PLK4: variants seen among roughly 807,000 people sequenced by gnomAD.
PLK4 encodes the protein polo like kinase 4.
In PLK4, 51 loss-of-function variants were observed where a neutral mutation model predicts 103.0. The observed-to-expected ratio is 0.50, with a 90% confidence interval of 0.40 to 0.63. The LOEUF is 0.63. Ranked by LOEUF, PLK4 falls within the 20% of genes least tolerant of loss-of-function variation. The pLI is 0.00. For missense variants in PLK4, 1,054 were observed against 1,151.0 expected, an observed-to-expected ratio of 0.92 and a Z score of 1.22; for synonymous variants, 389 against 376.8, an observed-to-expected ratio of 1.03 and a Z score of -0.38.
chr4:127,897,824 CTTTTT>C (rs200741150), intron 15 of PLK4, among the ~76,000 whole-genome samples: 179 of 28,568 alleles, frequency 6.3e-3, no homozygotes, highest in Non-Finnish European at 8.7e-3. Flanking sequence ...AGAATTAGGG[CTTTTT>C]TTTTTTTTTT....
Position 127,881,035 on chromosome 4 carries a change from G to A in PLK4, c.-100G>A, listed in dbSNP as rs755416501. The A allele has an allele frequency of 1.3e-4, 182 of 1,387,618 alleles. No individual in the cohort carries two copies. Among genetic ancestry groups the A allele is most frequent in the Middle Eastern group, 1.8e-4 (1 of 5,614 alleles). 86.0% of individuals were successfully genotyped at this position (1,387,618 alleles called of 1,614,324 possible). A position where few individuals can be genotyped will look rare whatever the true frequency, so the allele number is the denominator to read the frequency against. ...CTGGAGCGGCGGTTTAGAGAGCCGA[G>A]CCTGATGGGCGCCAAGGCCGGCTGG... is the stretch of plus-strand genomic sequence containing the variant. On this transcript the variant is annotated 5_prime_UTR_variant, in exon 1 of 16. Coordinates refer to ENST00000270861, the MANE Select transcript of PLK4 (RefSeq NM_014264.5).
intron 1 of PLK4, among the ~76,000 whole-genome samples, chr4:127,881,601 C>G (rs1299562435): frequency 6.6e-6 from 1 of 152,118 alleles, no homozygotes; most frequent in Non-Finnish European, 1.5e-5. Context: ...GGAACCAGAT[C>G]ACTAGGGTGC....
In PLK4 at chr4:127,886,645, C is replaced by T. The variant is rs1735146184; in HGVS notation, c.1275C>T (p.Asn425=). 6.2e-7 allele frequency: 1 copy of T among 1,613,346 alleles called. No individual in the cohort carries two copies. Among genetic ancestry groups the T allele is most frequent in the Non-Finnish European group, 8.5e-7 (1 of 1,179,396 alleles). The change falls in exon 5 of 16, where the codon AAC becomes AAT. Residue 425 remains asparagine, a synonymous_variant. Coordinates refer to ENST00000270861, the MANE Select transcript of PLK4 (RefSeq NM_014264.5). The part of the protein sequence containing the change: ...ENEERYSPTD[N]NANIFNFFKE... ...AAGAGAGGTACTCACCCACAGACAA[C>T]AATGCCAACATTTTTAACTTCTTTA...
chr4:127,881,240 G>A (rs369972797), intron 1 of PLK4, 76 bp downstream of exon 1: 14 of 1,607,502 alleles, frequency 8.7e-6, no homozygotes, highest in Middle Eastern at 1.6e-4. Flanking sequence ...GTGGGAAGGG[G>A]AGCGAACGAA....
chr4:127,897,820 AG>A (rs1735624100), intron 15 of PLK4, among the ~76,000 whole-genome samples: 1 of 48,734 alleles, frequency 2.1e-5, no homozygotes, highest in Non-Finnish European at 4.2e-5. Flanking sequence ...CTGTAGAATT[AG>A]GGCTTTTTTT....
intron 4 of PLK4, 128 bp downstream of exon 4, chr4:127,883,681 A>G (rs908572174): frequency 6.0e-5 from 29 of 485,894 alleles, no homozygotes; most frequent in African/African-American, 5.3e-4. Context: ...ACTTTAAGCT[A>G]GAAAAGGAGA....
intron 2 of PLK4, 27 bp downstream of exon 2, chr4:127,881,953 C>G (rs181451128): frequency 1.0e-5 from 13 of 1,249,632 alleles, no homozygotes; most frequent in South Asian, 2.4e-5. Flanking sequence ...CAACTTCTCT[C>G]CTGTACTTTG....
At chr4:127,891,344 A>G (rs1429570301) in intron 8 of PLK4, 148 bp downstream of exon 8, 3 of 464,194 alleles carry the variant, frequency 6.5e-6, no homozygotes, top group East Asian at 3.3e-5. Context: ...TTGAAATAGC[A>G]TATTAAACAT....
In PLK4 at chr4:127,898,474, A is replaced by G. The variant is rs1447291089; in HGVS notation, c.2846A>G (p.Lys949Arg). 1.9e-6 allele frequency: 3 copies of G among 1,585,552 alleles called. No individual in the cohort carries two copies. In the South Asian group the frequency reaches 3.4e-5, roughly 18 times the overall value. The part of the protein sequence containing the change: ...GENEKLPDYI[K>R]QKLQCLSSIL... Reference sequence around the variant, plus strand: ...AATGAAAAATTACCAGACTACATCAAACAGAAATTACAGTGTCTGTCTTCC... The same window carrying G: ...AATGAAAAATTACCAGACTACATCAGACAGAAATTACAGTGTCTGTCTTCC... Residue 949 changes from lysine to arginine, a missense_variant, in exon 16 of 16, where the codon AAA becomes AGA. Coordinates refer to ENST00000270861, the MANE Select transcript of PLK4 (RefSeq NM_014264.5).
Position 127,886,496 on chromosome 4 carries a change from G to A in PLK4, c.1126G>A (p.Ala376Thr). The A allele has an allele frequency of 5.6e-6, 9 of 1,613,914 alleles. No individual in the cohort carries two copies. Among genetic ancestry groups the A allele is most frequent in the Non-Finnish European group, 6.8e-6 (8 of 1,179,794 alleles). ...GCCACATTCTCGATACCTTCGTAGA[G>A]CTTATTCCTCTGATAGATCTGGCAC... is the stretch of plus-strand genomic sequence containing the variant. ...ERPHSRYLRRAYSSDRSGTSN... is the reference protein window; with the variant it reads ...ERPHSRYLRRTYSSDRSGTSN... Residue 376 changes from alanine to threonine, a missense_variant, in exon 5 of 16, where the codon GCT becomes ACT. Physicochemically the swap from Ala to Thr is moderately conservative, Grantham distance 58 (BLOSUM62 0). This residue lies in a region of PLK4 where 680 missense variants were observed against 660.3 expected (regional missense o/e 1.03). Transcript: ENST00000270861.
chr4:127,891,323 G>C (rs1339987068), intron 8 of PLK4, 127 bp downstream of exon 8: 3 of 481,956 alleles, frequency 6.2e-6, no homozygotes, highest in Non-Finnish European at 1.1e-5. Context: ...AGTGTCTCTG[G>C]AATTCAAAAA....
At chr4:127,881,580 A>G (rs544933146) in intron 1 of PLK4, among the ~76,000 whole-genome samples, 48 of 152,218 alleles carry the variant, frequency 3.2e-4, no homozygotes, top group Non-Finnish European at 5.9e-4. Context: ...CTTAGGCTGC[A>G]CTGAGGTTGA....
In PLK4 at chr4:127,898,760, T is replaced by C; in HGVS notation, c.*219T>C. ...TATAAAATAGAACACCTGACTTTGC[T>C]CTTAGACCATAACCCCCGAACTTAC... On this transcript the variant is annotated 3_prime_UTR_variant, in exon 16 of 16. Transcript: ENST00000270861. 5.0e-6 allele frequency: 2 copies of C among 399,586 alleles called. No individual in the cohort carries two copies. The highest frequency in any genetic ancestry group is 5.7e-5 in the South Asian group (1 of 17,674). 24.8% of individuals were successfully genotyped at this position (399,586 alleles called of 1,614,324 possible). A position where few individuals can be genotyped will look rare whatever the true frequency, so the allele number is the denominator to read the frequency against.
At chr4:127,893,020 C>T (rs1018492242) in intron 10 of PLK4, among the ~76,000 whole-genome samples, 3 of 151,952 alleles carry the variant, frequency 2.0e-5, no homozygotes, top group African/African-American at 7.2e-5. Flanking sequence ...ATAATTATAG[C>T]TATCCTTCAA....
intron 13 of PLK4, 69 bp from the exon 14 acceptor site, chr4:127,894,884 C>T (rs1735503428): frequency 1.9e-6 from 2 of 1,029,468 alleles, no homozygotes; most frequent in South Asian, 2.5e-5. Context: ...TCATAATTGT[C>T]TGCTTTTGCT....
At position 127,893,754 on chromosome 4, in the gene PLK4, C is replaced by T. The variant is rs1238042234; in HGVS notation, c.2435C>T (p.Ser812Leu). ...IIGRKPGSTS[S>L]PKALSPPPSV... ...TTCAGAAAACCTGGTAGTACTAGTT[C>T]ACCTAAGGCCTTATCACCTCCTCCT... Residue 812 changes from serine (S) to leucine (L), a missense_variant, in exon 13 of 16, where the codon TCA (serine) becomes TTA (leucine). By Grantham distance (145) the Ser-to-Leu change is moderately radical. This residue lies in a region of PLK4 where 167 missense variants were observed against 200.7 expected (regional missense o/e 0.83). Coordinates refer to ENST00000270861, the MANE Select transcript of PLK4 (RefSeq NM_014264.5). 2 of 1,609,466 alleles carry T rather than the reference C, an allele frequency of 1.2e-6. No homozygotes were observed. The highest frequency in any genetic ancestry group is 2.2e-5 in the East Asian group (1 of 44,842).
chr4:127,891,283 GT>G, intron 8 of PLK4, 87 bp downstream of exon 8: 1 of 677,428 alleles, frequency 1.5e-6, no homozygotes, highest in Non-Finnish European at 2.4e-6. Flanking sequence ...AATGATGTAA[GT>G]TTTTTTAAAA....
In PLK4 at chr4:127,891,214, T is replaced by C; in HGVS notation, c.1935+18T>C. The C allele has an allele frequency of 3.4e-6, 4 of 1,181,874 alleles. No homozygotes were observed. Among genetic ancestry groups the C allele is most frequent in the Non-Finnish European group, 4.9e-6 (4 of 810,732 alleles). The allele number at this position is 1,181,874 out of a possible 1,614,324, so 73.2% of individuals were successfully genotyped here. On this transcript the variant is annotated intron_variant, in intron 8 of 15. Coordinates refer to ENST00000270861, the MANE Select transcript of PLK4 (RefSeq NM_014264.5). ...GAAATACGGTAATGTGTAGTTACTT[T>C]ATTACCTTGCAACTTCAAATTATCG...
In PLK4 at chr4:127,890,006, G is replaced by A. The variant is rs1395357109; in HGVS notation, c.1600G>A (p.Ala534Thr). The A allele has an allele frequency of 1.2e-6, 2 of 1,613,894 alleles. No homozygotes were observed. The highest frequency in any genetic ancestry group is 2.7e-5 in the African/African-American group (2 of 74,902). The change falls in exon 7 of 16, where the codon GCA becomes ACA. Residue 534 changes from alanine (A) to threonine (T), a missense_variant. This residue lies in a region of PLK4 where 680 missense variants were observed against 660.3 expected (regional missense o/e 1.03). Transcript: ENST00000270861. Reference sequence around the variant, plus strand: ...AAAGAACTCTGATGCTTCTGATAATGCACATTCTGTAAAACAGCAAAATAC... The same window carrying A: ...AAAGAACTCTGATGCTTCTGATAATACACATTCTGTAAAACAGCAAAATAC... Reference protein sequence around the residue: ...VKKNSDASDNAHSVKQQNTMK... With the variant: ...VKKNSDASDNTHSVKQQNTMK...
Sources: allele counts gnomAD v4.1 joint callset (sites outside exome capture counted in the v4.1 genomes callset), GRCh38; gene constraint gnomAD v4.1.1; regional missense constraint gnomAD v4.1.1; transcripts MANE v1.5; gene names NCBI Gene and HGNC (gene_info 2026-07-23, HGNC 2026-07-21).